The following NTNG1 variants were observed in gnomAD, a reference collection of about 807,000 sequenced individuals.
NTNG1 encodes netrin-G1.
NTNG1 carries 16 observed loss-of-function variants against 54.0 expected under a neutral mutation model. The observed-to-expected ratio is 0.30, with a 90% confidence interval of 0.20 to 0.45. NTNG1 has a LOEUF of 0.45. Among genes scored for constraint, NTNG1 ranks in the 20% least tolerant of loss-of-function variants. The probability of loss-of-function intolerance (pLI) is 1.00; values close to 1 mark genes in which losing one functional copy is unlikely to be tolerated. For synonymous variants in NTNG1, 255 were observed against 263.1 expected (o/e 0.97, Z 0.30); for missense variants, 530 against 678.7 (o/e 0.78, Z 2.43).
chr1:107,170,155 T>C (rs899400110), intron 2 of NTNG1, among the ~76,000 whole-genome samples: 1 of 152,032 alleles, frequency 6.6e-6, no homozygotes, highest in African/African-American at 2.4e-5. Flanking sequence ...CCTAGACGAG[T>C]TGATGCATCA....
At chr1:107,264,373 A>G (rs548351727) in intron 2 of NTNG1, among the ~76,000 whole-genome samples, 2 of 152,306 alleles carry the variant, frequency 1.3e-5, no homozygotes, top group South Asian at 4.1e-4. Context: ...AGGCCCATTC[A>G]TTACAGGGAT....
intron 2 of NTNG1, among the ~76,000 whole-genome samples, chr1:107,282,278 C>T (rs956673087): frequency 6.6e-6 from 1 of 152,122 alleles, no homozygotes; most frequent in Non-Finnish European, 1.5e-5. Flanking sequence ...TTGTTGCCAA[C>T]CCTTTCCTGT....
At chr1:107,454,327 A>G (rs950589650) in intron 7 of NTNG1, among the ~76,000 whole-genome samples, 1 of 152,084 alleles carries the variant, frequency 6.6e-6, no homozygotes, top group Non-Finnish European at 1.5e-5. Flanking sequence ...CAACTATTGC[A>G]CCCATGCATA....
At chr1:107,220,535 T>C (rs1272493418) in intron 2 of NTNG1, among the ~76,000 whole-genome samples, 1 of 152,254 alleles carries the variant, frequency 6.6e-6, no homozygotes, top group Non-Finnish European at 1.5e-5. Context: ...ATGCATGGCA[T>C]AGAGGTTAAG....
At chr1:107,332,591 A>G (rs994334696) in intron 3 of NTNG1, among the ~76,000 whole-genome samples, 3 of 152,008 alleles carry the variant, frequency 2.0e-5, no homozygotes, top group Admixed American at 1.3e-4. Flanking sequence ...TTTTTTCTTA[A>G]CACGTTAGGA....
intron 2 of NTNG1, among the ~76,000 whole-genome samples, chr1:107,316,057 T>C (rs909551550): frequency 6.6e-6 from 1 of 152,144 alleles, no homozygotes; most frequent in African/African-American, 2.4e-5. Flanking sequence ...ACGCCTAAGT[T>C]GTGAGTGCTT....
At chr1:107,205,306 A>G (rs1410139636) in intron 2 of NTNG1, among the ~76,000 whole-genome samples, 1 of 152,012 alleles carries the variant, frequency 6.6e-6, no homozygotes, top group South Asian at 2.1e-4. Flanking sequence ...TGTCTCCCCA[A>G]ATTTCAGGGT....
intron 2 of NTNG1, among the ~76,000 whole-genome samples, chr1:107,227,690 A>T (rs112128707): frequency 1.5e-3 from 219 of 142,714 alleles, no homozygotes; most frequent in African/African-American, 5.5e-3. Context: ...TCTCTCTCTC[A>T]CACACACACA....
chr1:107,216,929 G>A (rs1025043577), intron 2 of NTNG1, among the ~76,000 whole-genome samples: 6 of 152,064 alleles, frequency 3.9e-5, no homozygotes, highest in East Asian at 3.9e-4. Flanking sequence ...CACCCTCCTC[G>A]GCAACCCAAA....
chr1:107,434,212 G>A (rs987488469), intron 6 of NTNG1, among the ~76,000 whole-genome samples: 6 of 152,108 alleles, frequency 3.9e-5, no homozygotes, highest in Admixed American at 1.3e-4. Context: ...CAAAATGTAG[G>A]CTCTGTGTGA....
intron 2 of NTNG1, among the ~76,000 whole-genome samples, chr1:107,296,699 C>A (rs1165736498): frequency 2.0e-5 from 3 of 147,054 alleles, no homozygotes; most frequent in Non-Finnish European, 4.5e-5. Flanking sequence ...TACTAATATA[C>A]TATTACATAT....
chr1:107,406,573 C>A (rs1382559944), intron 4 of NTNG1, among the ~76,000 whole-genome samples: 1 of 152,128 alleles, frequency 6.6e-6, no homozygotes, highest in Non-Finnish European at 1.5e-5. Context: ...TCACTGAGTT[C>A]TGTCTGCTTT....
intron 5 of NTNG1, among the ~76,000 whole-genome samples, chr1:107,417,922 A>G (rs969230742): frequency 1.3e-5 from 2 of 151,996 alleles, no homozygotes; most frequent in Non-Finnish European, 2.9e-5. Flanking sequence ...CTGCATTGAA[A>G]CCAATAACTC....
intron 2 of NTNG1, among the ~76,000 whole-genome samples, chr1:107,300,068 C>T (rs1034605557): frequency 6.6e-6 from 1 of 152,154 alleles, no homozygotes; most frequent in Non-Finnish European, 1.5e-5. Context: ...AACTTGTGGC[C>T]ATTTCCAGAA....
At chr1:107,171,242 A>C (rs2101091450) in intron 2 of NTNG1, among the ~76,000 whole-genome samples, 1 of 152,226 alleles carries the variant, frequency 6.6e-6, no homozygotes. Context: ...GTTTCAACAC[A>C]TCACAATTTT....
intron 6 of NTNG1, among the ~76,000 whole-genome samples, chr1:107,433,803 G>C (rs2101354025): frequency 6.6e-6 from 1 of 152,272 alleles, no homozygotes; most frequent in South Asian, 2.1e-4. Flanking sequence ...AGTGGTACTG[G>C]GGCTGCCTGT....
chr1:107,303,085 G>A (rs1479353522), intron 2 of NTNG1, among the ~76,000 whole-genome samples: 1 of 152,106 alleles, frequency 6.6e-6, no homozygotes, highest in Non-Finnish European at 1.5e-5. Context: ...TAGCAATAAG[G>A]ACAATGTGAT....
At chr1:107,386,203 C>G (rs1458196048) in intron 3 of NTNG1, among the ~76,000 whole-genome samples, 1 of 139,574 alleles carries the variant, frequency 7.2e-6, no homozygotes, top group Non-Finnish European at 1.5e-5. Flanking sequence ...GGGTTTCACT[C>G]TTGTTGCCCA....
chr1:107,228,194 C>T (rs1660815420), intron 2 of NTNG1, among the ~76,000 whole-genome samples: 1 of 152,088 alleles, frequency 6.6e-6, no homozygotes, highest in Admixed American at 6.6e-5. Flanking sequence ...GCTTCCAAGA[C>T]AAAAATAGCA....
Sources: allele counts gnomAD v4.1 joint callset (sites outside exome capture counted in the v4.1 genomes callset), GRCh38; gene constraint gnomAD v4.1.1; transcripts MANE v1.5; gene names NCBI Gene and HGNC (gene_info 2026-07-23, HGNC 2026-07-21).